TENM2: variants seen among roughly 807,000 people sequenced by gnomAD.
TENM2 encodes the protein teneurin transmembrane protein 2.
TENM2 carries 52 observed loss-of-function variants against 245.2 expected under a neutral mutation model. The observed-to-expected ratio is 0.21, with a 90% CI of 0.17 to 0.27. The LOEUF (loss-of-function observed/expected upper bound fraction) is 0.27. Ranked by LOEUF, TENM2 falls within the 10% of genes least tolerant of loss-of-function variation. The pLI, the probability that TENM2 is intolerant of heterozygous loss-of-function variation, is 1.00. For synonymous variants in TENM2, 1,363 were observed against 1,438.9 expected (o/e 0.95, Z 1.19); for missense variants, 3,046 against 3,666.8 (o/e 0.83, Z 4.37).
intron 2 of TENM2, among the ~76,000 whole-genome samples, chr5:167,532,121 G>C (rs901895488): frequency 3.3e-5 from 5 of 152,052 alleles, no homozygotes; most frequent in Non-Finnish European, 7.4e-5. Flanking sequence ...CCCATTTTCA[G>C]GTGAGGAAAC....
intron 2 of TENM2, among the ~76,000 whole-genome samples, chr5:167,767,851 G>A (rs562442830): frequency 6.6e-6 from 1 of 152,262 alleles, no homozygotes; most frequent in East Asian, 1.9e-4. Flanking sequence ...CCTTTGACTG[G>A]CAGATGTGTT....
At chr5:167,588,156 C>G (rs553403910) in intron 2 of TENM2, among the ~76,000 whole-genome samples, 4 of 152,170 alleles carry the variant, frequency 2.6e-5, no homozygotes, top group Non-Finnish European at 5.9e-5. Context: ...ATGACATGAA[C>G]GTGCAACATA....
intron 3 of TENM2, among the ~76,000 whole-genome samples, chr5:167,949,835 C>T (rs1056483469): frequency 2.6e-5 from 4 of 152,164 alleles, no homozygotes; most frequent in African/African-American, 9.7e-5. Context: ...ATTGTCTTTT[C>T]CTTCTGTCTC....
the TENM2 span, among the ~76,000 whole-genome samples, chr5:167,250,597 AG>A: frequency 1.3e-5 from 2 of 152,156 alleles, no homozygotes; most frequent in African/African-American, 4.8e-5. Flanking sequence ...CTATCAGACA[AG>A]AAAGACAGTC....
chr5:168,037,020 T>C (rs1005884954), intron 5 of TENM2, among the ~76,000 whole-genome samples: 2 of 152,012 alleles, frequency 1.3e-5, no homozygotes, highest in African/African-American at 2.4e-5. Context: ...TGCTACCTAA[T>C]CAGGCCCTGG....
chr5:167,434,979 G>T lies in TENM2; in HGVS notation c.502+59506G>T, dbSNP rs1475424913. On this transcript the variant is annotated intron_variant, in intron 2 of 28. Coordinates refer to ENST00000518659, the Ensembl canonical transcript of TENM2. The stretch of plus-strand genomic sequence containing the variant: ...TCAGAAATTAACAAAATAGCAGATA[G>T]AACCACTTGACTGGAGATAACTTAT... Among the ~76,000 whole-genome samples the T allele has an allele frequency of 6.6e-5, 10 of 152,260 alleles. No homozygotes were observed. In the East Asian group the frequency reaches 1.9e-3, roughly 29 times the overall value.
intron 2 of TENM2, among the ~76,000 whole-genome samples, chr5:167,580,943 C>T (rs1465550353): frequency 3.9e-5 from 6 of 152,126 alleles, no homozygotes; most frequent in Non-Finnish European, 4.4e-5. Context: ...GAGCGGAGAT[C>T]GTGCCGCTGC....
chr5:167,789,593 A>G (rs1764812711), intron 2 of TENM2, among the ~76,000 whole-genome samples: 1 of 152,214 alleles, frequency 6.6e-6, no homozygotes, highest in Non-Finnish European at 1.5e-5. Context: ...TAGCATCCAC[A>G]TAAAGTCATT....
intron 2 of TENM2, among the ~76,000 whole-genome samples, chr5:167,712,167 T>TA (rs1758955912): frequency 7.2e-5 from 11 of 152,182 alleles, no homozygotes; most frequent in Admixed American, 5.9e-4. Context: ...TACTTCCATT[T>TA]CTAAAGCCTT....
intron 2 of TENM2, among the ~76,000 whole-genome samples, chr5:167,617,526 A>T (rs1777868416): frequency 6.6e-6 from 1 of 152,162 alleles, no homozygotes; most frequent in African/African-American, 2.4e-5. Flanking sequence ...ATTGATCTCT[A>T]TTTGATCTAC....
At chr5:167,186,090 G>A in the TENM2 span, among the ~76,000 whole-genome samples, 14 of 152,098 alleles carry the variant, frequency 9.2e-5, no homozygotes, top group African/African-American at 2.4e-5. Flanking sequence ...GTGGAATTCA[G>A]CCAATGGCCC....
the TENM2 span, among the ~76,000 whole-genome samples, chr5:167,207,329 C>T: frequency 7.2e-5 from 11 of 152,242 alleles, no homozygotes; most frequent in East Asian, 9.7e-4. Flanking sequence ...GGAAAGAGAA[C>T]GCATGAGTAT....
At chr5:167,901,843 A>G (rs1313430257) in intron 3 of TENM2, among the ~76,000 whole-genome samples, 1 of 152,168 alleles carries the variant, frequency 6.6e-6, no homozygotes, top group Non-Finnish European at 1.5e-5. Context: ...TTTATATAAG[A>G]ATTTATTTGC....
chr5:167,950,950 G>A (rs960476402), intron 3 of TENM2, among the ~76,000 whole-genome samples: 3 of 152,150 alleles, frequency 2.0e-5, no homozygotes, highest in African/African-American at 7.2e-5. Flanking sequence ...CTGGGTTTTT[G>A]TTGTCACTGT....
At chr5:168,222,380 CT>C (rs1367934439) in intron 23 of TENM2, among the ~76,000 whole-genome samples, 7 of 152,166 alleles carry the variant, frequency 4.6e-5, no homozygotes, top group Non-Finnish European at 1.0e-4. Flanking sequence ...TAAAGAGCCT[CT>C]TTAGTCATGT....
At chr5:167,117,450 C>A in the TENM2 span, among the ~76,000 whole-genome samples, 7 of 152,220 alleles carry the variant, frequency 4.6e-5, no homozygotes, top group East Asian at 1.2e-3. Flanking sequence ...TTGCAGTGAG[C>A]CAAGATCGCA....
intron 1 of TENM2, among the ~76,000 whole-genome samples, chr5:167,308,281 G>T (rs1200774729): frequency 6.6e-6 from 1 of 152,106 alleles, no homozygotes; most frequent in Non-Finnish European, 1.5e-5. Context: ...TGCAACATGG[G>T]ACAAGTCTCA....
chr5:167,561,879 T>C (rs1773612700), intron 2 of TENM2, among the ~76,000 whole-genome samples: 1 of 152,174 alleles, frequency 6.6e-6, no homozygotes, highest in African/African-American at 2.4e-5. Flanking sequence ...ATGTATACAT[T>C]AGAACCGTAA....
the TENM2 span, among the ~76,000 whole-genome samples, chr5:167,079,099 G>A: frequency 2.2e-3 from 332 of 152,106 alleles, 1 homozygote; most frequent in Non-Finnish European, 2.0e-3. Context: ...CTCTGCACAT[G>A]TCCATGAATG....
Sources: gnomAD v4.1 joint callset for allele counts (sites outside exome capture counted in the v4.1 genomes callset) on GRCh38, gnomAD v4.1.1 for gene constraint, MANE v1.5 for transcripts, NCBI Gene and HGNC (gene_info 2026-07-23, HGNC 2026-07-21) for gene names.